Variants in PCDHA2 observed in about 807,000 individuals in gnomAD.
PCDHA2 encodes the protein protocadherin alpha-2.
In PCDHA2, 58 loss-of-function variants were observed where a neutral mutation model predicts 66.0. That is an observed-to-expected ratio of 0.88 (90% CI 0.71 to 1.09). The LOEUF (loss-of-function observed/expected upper bound fraction) is 1.09. PCDHA2 is among the 50% of genes least tolerant of loss of function. The pLI, the probability that PCDHA2 is intolerant of heterozygous loss-of-function variation, is 0.00. For synonymous variants in PCDHA2, 634 were observed against 554.0 expected (o/e 1.14, Z -2.03); for missense variants, 1,267 against 1,242.3 (o/e 1.02, Z -0.30).
intron 1 of PCDHA2, chr5:140,828,687 C>A: frequency 6.2e-7 from 1 of 1,614,206 alleles, no homozygotes; most frequent in Non-Finnish European, 8.5e-7. Context: ...TTAAAGAAAT[C>A]CTTGGACAGA....
At chr5:141,005,288 T>A (rs908780920) in intron 3 of PCDHA2, among the ~76,000 whole-genome samples, 1 of 152,176 alleles carries the variant, frequency 6.6e-6, no homozygotes. Flanking sequence ...AACAGATACA[T>A]TTTTTGCCTT....
intron 1 of PCDHA2, among the ~76,000 whole-genome samples, chr5:140,921,213 G>A (rs759293646): frequency 1.3e-5 from 2 of 151,378 alleles, no homozygotes; most frequent in East Asian, 1.9e-4. Context: ...GATAATTCAC[G>A]TCTTTTTTGC....
intron 1 of PCDHA2, chr5:140,841,833 G>C: frequency 6.2e-7 from 1 of 1,613,938 alleles, no homozygotes; most frequent in Non-Finnish European, 8.5e-7. Flanking sequence ...TTAACCTACA[G>C]GCTTAGCTCT....
In PCDHA2 at chr5:140,850,851, A is replaced by G. The variant is rs1052562243; in HGVS notation, c.2388+53499A>G. On this transcript the variant is annotated intron_variant, in intron 1 of 3. Transcript: ENST00000526136. ...TCCTTGTGCTGGATCTACAGAGCGA[A>G]CGGGAGAACCCTCTGCTTCCTCAGA... The G allele has an allele frequency of 3.1e-6, 5 of 1,595,924 alleles. No homozygotes were observed. Among genetic ancestry groups the G allele is most frequent in the Non-Finnish European group, 3.4e-6 (4 of 1,165,934 alleles).
chr5:141,000,421 A>AT lies in PCDHA2; in HGVS notation c.2537-9183dup, dbSNP rs34755515. Reference sequence around the variant, plus strand: ...TATATATATATATATATATATATATATTTTTTTTTTTTTTTTTTTTTTTGA... The same window carrying AT: ...TATATATATATATATATATATATATATTTTTTTTTTTTTTTTTTTTTTTTGA... On this transcript the variant is annotated intron_variant, in intron 3 of 3. Transcript: ENST00000526136. 8.6e-3 allele frequency among the ~76,000 whole-genome samples: 241 copies of AT among 27,996 alleles called. 11 individuals carry two copies. The highest frequency in any genetic ancestry group is 9.4e-3 in the African/African-American group (53 of 5,644). The allele number at this position is 27,996 out of a possible 152,430, so 18.4% of individuals were successfully genotyped here.
chr5:140,951,545 G>C (rs1019007635), intron 1 of PCDHA2, among the ~76,000 whole-genome samples: 2 of 151,950 alleles, frequency 1.3e-5, no homozygotes, highest in Admixed American at 6.6e-5. Context: ...GCAAGGGACG[G>C]GGGGAAGTGC....
chr5:140,962,708 A>G (rs982426662), intron 1 of PCDHA2, among the ~76,000 whole-genome samples: 1 of 152,240 alleles, frequency 6.6e-6, no homozygotes, highest in African/African-American at 2.4e-5. Context: ...CTATAATCAT[A>G]TTGGAAAGTA....
At chr5:140,943,008 G>A (rs2093405058) in intron 1 of PCDHA2, among the ~76,000 whole-genome samples, 2 of 152,052 alleles carry the variant, frequency 1.3e-5, no homozygotes, top group African/African-American at 4.8e-5. Context: ...TGTAATCCCA[G>A]CACTTTGGGA....
chr5:140,985,228 C>G (rs1022229644), intron 3 of PCDHA2, among the ~76,000 whole-genome samples: 4 of 152,156 alleles, frequency 2.6e-5, no homozygotes, highest in Non-Finnish European at 4.4e-5. Context: ...TGAGCCACCG[C>G]GCCTGGCCTA....
At chr5:140,907,229 A>C (rs1562959472) in intron 1 of PCDHA2, among the ~76,000 whole-genome samples, 1 of 152,180 alleles carries the variant, frequency 6.6e-6, no homozygotes, top group Non-Finnish European at 1.5e-5. Flanking sequence ...AAGTATTGTC[A>C]CCTAGTTGAC....
At chr5:140,926,782 C>G in intron 1 of PCDHA2, 1 of 1,403,504 alleles carries the variant, frequency 7.1e-7, no homozygotes, top group Non-Finnish European at 9.3e-7. Context: ...GCAGTGACGG[C>G]CGGCAGGAGC....
intron 3 of PCDHA2, among the ~76,000 whole-genome samples, chr5:140,991,251 A>G (rs2097441392): frequency 6.6e-6 from 1 of 152,306 alleles, no homozygotes; most frequent in South Asian, 2.1e-4. Context: ...GCAGTATTTG[A>G]ACTCATGTCT....
chr5:140,984,413 C>A lies in PCDHA2; in HGVS notation c.2536+1850C>A, dbSNP rs75063168. Among the ~76,000 whole-genome samples, 1,502 of 152,262 alleles carry A rather than the reference C, an allele frequency of 9.9e-3. 20 individuals carry two copies. Among genetic ancestry groups the A allele is most frequent in the African/African-American group, 0.035 (1,434 of 41,536 alleles). On this transcript the variant is annotated intron_variant, in intron 3 of 3. Transcript: ENST00000526136. ...AAATGTTGAGAACCTATCTTTTTTA[C>A]AGAGATAGAGAAGGGGATCTCCCTT...
At chr5:140,814,873 T>C (rs1206145263) in intron 1 of PCDHA2, 1 of 152,240 alleles carries the variant, frequency 6.6e-6, no homozygotes, top group African/African-American at 2.4e-5. Context: ...TGTTTTAATG[T>C]TGGGTGCATA....
At chr5:140,862,555 G>A (rs926436647) in intron 1 of PCDHA2, 1 of 467,658 alleles carries the variant, frequency 2.1e-6, no homozygotes, top group South Asian at 1.7e-5. Flanking sequence ...TGGCCGAACA[G>A]TGAACCACAA....
At chr5:140,832,534 G>A (rs1772034648) in intron 1 of PCDHA2, among the ~76,000 whole-genome samples, 1 of 152,208 alleles carries the variant, frequency 6.6e-6, no homozygotes, top group African/African-American at 2.4e-5. Flanking sequence ...ATCACCATTT[G>A]TGTAGCTAAT....
chr5:140,946,791 T>C (rs1019495660), intron 1 of PCDHA2, among the ~76,000 whole-genome samples: 4 of 151,326 alleles, frequency 2.6e-5, no homozygotes, highest in Non-Finnish European at 4.4e-5. Flanking sequence ...GCTGATCTTA[T>C]AGAAGCAGAG....
chr5:140,910,766 T>C (rs2075154722), intron 1 of PCDHA2, among the ~76,000 whole-genome samples: 2 of 152,198 alleles, frequency 1.3e-5, no homozygotes, highest in South Asian at 2.1e-4. Context: ...CTTTTTAAAC[T>C]CCCCAAGCTG....
intron 1 of PCDHA2, chr5:140,871,319 T>C (rs782385310): frequency 6.2e-7 from 1 of 1,614,040 alleles, no homozygotes; most frequent in Admixed American, 1.7e-5. Flanking sequence ...CCCACGCTGG[T>C]GTGCTCCCGC....
Sources: gnomAD v4.1 joint callset for allele counts (sites outside exome capture counted in the v4.1 genomes callset) on GRCh38, gnomAD v4.1.1 for gene constraint, MANE v1.5 for transcripts, NCBI Gene and HGNC (gene_info 2026-07-23, HGNC 2026-07-21) for gene names.